Variants in LRFN3 observed in about 807,000 individuals in gnomAD.
LRFN3 encodes leucine-rich repeat and fibronectin type-III domain-containing protein 3.
LRFN3 carries 8 observed loss-of-function variants against 23.8 expected under a neutral mutation model. The ratio of observed to expected loss-of-function variants is 0.34; its 90% CI spans 0.20 to 0.61. The LOEUF (loss-of-function observed/expected upper bound fraction) is 0.61. Ranked by LOEUF, LRFN3 falls within the 20% of genes least tolerant of loss-of-function variation. The probability of loss-of-function intolerance (pLI) is 0.80; values close to 1 mark genes in which losing one functional copy is unlikely to be tolerated. For synonymous variants in LRFN3, 451 were observed against 450.6 expected, an observed-to-expected ratio of 1.00 and a Z score of -0.01; for missense variants, 736 against 935.3, an observed-to-expected ratio of 0.79 and a Z score of 2.78.
In LRFN3 at chr19:35,940,489, T is replaced by C; in HGVS notation, c.1064T>C (p.Val355Ala). 2.5e-6 allele frequency: 4 copies of C among 1,611,062 alleles called. No homozygotes were observed. Among genetic ancestry groups the C allele is most frequent in the Non-Finnish European group, 3.4e-6 (4 of 1,179,556 alleles). ...AFPNGTLELL[V>A]TEPGDGGIFT... ...CCCAATGGGACGCTGGAGCTGCTGG[T>C]CACCGAGCCGGGTGATGGTGGCATC... is the stretch of plus-strand genomic sequence containing the variant. Residue 355 changes from valine to alanine, a missense_variant, in exon 2 of 3, where the codon GTC (valine) becomes GCC (alanine). This residue lies in a region of LRFN3 where 446 missense variants were observed against 647.9 expected (regional missense o/e 0.69). Coordinates refer to ENST00000246529, the MANE Select transcript of LRFN3 (RefSeq NM_024509.2).
chr19:35,941,662 G>A lies in LRFN3; in HGVS notation c.1415+822G>A, dbSNP rs576688365. On this transcript the variant is annotated intron_variant, in intron 2 of 2. Coordinates refer to ENST00000246529, the MANE Select transcript of LRFN3 (RefSeq NM_024509.2). ...CGGCTCACTACAACCTCCACTTCCCGGGTTCAAGCGATTCTTGTGCCTCAG... is the reference window on the plus strand; with the variant it reads ...CGGCTCACTACAACCTCCACTTCCCAGGTTCAAGCGATTCTTGTGCCTCAG... Among the ~76,000 whole-genome samples the A allele has an allele frequency of 2.6e-5, 4 of 151,584 alleles. No individual in the cohort carries two copies. The South Asian group carries it at 6.2e-4, about 24-fold the overall frequency.
At chr19:35,942,556 G>C (rs907597750) in intron 2 of LRFN3, among the ~76,000 whole-genome samples, 2 of 152,232 alleles carry the variant, frequency 1.3e-5, no homozygotes, top group African/African-American at 2.4e-5. Context: ...ACCTCCCCAG[G>C]GTTGAGGACT....
At chr19:35,942,428 T>A (rs547930110) in intron 2 of LRFN3, among the ~76,000 whole-genome samples, 5 of 152,176 alleles carry the variant, frequency 3.3e-5, no homozygotes, top group Non-Finnish European at 5.9e-5. Flanking sequence ...CTAGGTGCTG[T>A]TGACACCTCT....
rs938777457 is a variant in LRFN3 at position 35,945,174 on chromosome 19, T to C, written c.*155T>C. 2.0e-6 allele frequency: 1 copy of C among 490,870 alleles called. No individual in the cohort carries two copies. The highest frequency in any genetic ancestry group is 3.5e-6 in the Non-Finnish European group (1 of 287,868). The allele number at this position is 490,870 out of a possible 1,614,324, so 30.4% of individuals were successfully genotyped here. ...ACACCGGGGCAAAACAAGAAAGTCC[T>C]ATTTTTCCAAGCTTGGGCGAAGACC... is the stretch of plus-strand genomic sequence containing the variant. On this transcript the variant is annotated 3_prime_UTR_variant, in exon 3 of 3. Coordinates refer to ENST00000246529, the MANE Select transcript of LRFN3 (RefSeq NM_024509.2).
At chr19:35,943,030 A>G (rs76361164) in intron 2 of LRFN3, among the ~76,000 whole-genome samples, 1 of 142,988 alleles carries the variant, frequency 7.0e-6, no homozygotes, top group Non-Finnish European at 1.5e-5. Context: ...CTCCGTCTCA[A>G]AAAAAAAAAA....
Position 35,940,449 on chromosome 19 carries a change from C to T in LRFN3, c.1024C>T (p.Arg342Cys), listed in dbSNP as rs1335914954. The part of the protein sequence containing the change: ...PQGRLLGNSS[R>C]ARAFPNGTLE... ...GGGCCGGCTGCTAGGCAACTCAAGC[C>T]GTGCCCGCGCCTTCCCCAATGGGAC... The change falls in exon 2 of 3, where the codon CGT becomes TGT. Residue 342 changes from arginine (R) to cysteine (C), a missense_variant. Arg to Cys is a radical substitution (Grantham distance 180). Coordinates refer to ENST00000246529, the MANE Select transcript of LRFN3 (RefSeq NM_024509.2). 3.1e-6 allele frequency: 5 copies of T among 1,605,076 alleles called. No individual in the cohort carries two copies. Among genetic ancestry groups the T allele is most frequent in the South Asian group, 1.1e-5 (1 of 90,512 alleles).
chr19:35,940,641 G>A lies in LRFN3; in HGVS notation c.1216G>A (p.Asp406Asn). The change falls in exon 2 of 3, where the codon GAT becomes AAT. Residue 406 changes from aspartate (D) to asparagine (N), a missense_variant. Around this residue, in one of 2 missense-constraint regions of LRFN3, gnomAD observed 446 missense variants for 647.9 expected, o/e 0.69. Coordinates refer to ENST00000246529, the MANE Select transcript of LRFN3 (RefSeq NM_024509.2). ...SCDPPRDGDP[D>N]ALTPPSAASA... is the part of the protein sequence containing the mutation. The stretch of plus-strand genomic sequence containing the variant: ...TGACCCCCCGCGGGACGGGGATCCT[G>A]ATGCTCTCACCCCACCCTCCGCTGC... The A allele has an allele frequency of 6.2e-7, 1 of 1,611,284 alleles. No homozygotes were observed. The highest frequency in any genetic ancestry group is 8.5e-7 in the Non-Finnish European group (1 of 1,178,234).
At position 35,940,218 on chromosome 19, in the gene LRFN3, C is replaced by T. The variant is rs1343910693; in HGVS notation, c.793C>T (p.Arg265Trp). 6 of 1,608,336 alleles carry T rather than the reference C, an allele frequency of 3.7e-6. No homozygotes were observed. Among genetic ancestry groups the T allele is most frequent in the South Asian group, 3.3e-5 (3 of 91,030 alleles). Residue 265 changes from arginine (R) to tryptophan (W), a missense_variant, in exon 2 of 3, where the codon CGG (arginine) becomes TGG (tryptophan). This residue lies in a region of LRFN3 where 446 missense variants were observed against 647.9 expected (regional missense o/e 0.69). Transcript: ENST00000246529. ...GCTGGTGTGGCTGCGTCGCCTGGCG[C>T]GGGAGGACGACCTCGAGGCCTGCGC... is the stretch of plus-strand genomic sequence containing the variant. ...CELVWLRRLA[R>W]EDDLEACASP...
At position 35,944,405 on chromosome 19, in the gene LRFN3, G is replaced by A; in HGVS notation, c.1416-143G>A. 1.9e-6 allele frequency: 1 copy of A among 528,512 alleles called. No individual in the cohort carries two copies. Among genetic ancestry groups the A allele is most frequent in the Non-Finnish European group, 3.1e-6 (1 of 319,624 alleles). The allele number at this position is 528,512 out of a possible 1,614,324, so 32.7% of individuals were successfully genotyped here. On this transcript the variant is annotated intron_variant, in intron 2 of 2. Transcript: ENST00000246529. The surrounding 1 kb of genome is among the most constrained non-coding windows in gnomAD (Gnocchi z 4.5). The stretch of plus-strand genomic sequence containing the variant: ...ATGTCAGACCAAAGGGAATTGGGAT[G>A]TTGGTGAGAGGGAGCTCATTGGGTA...
In LRFN3 at chr19:35,945,033, C is replaced by G. The variant is rs552870079; in HGVS notation, c.*14C>G. On this transcript the variant is annotated 3_prime_UTR_variant, in exon 3 of 3. Coordinates refer to ENST00000246529, the MANE Select transcript of LRFN3 (RefSeq NM_024509.2). ...GTGGGACCCTAGCCAGGCGCCCCCC[C>G]CTCTAAGGGTCCTCTGGCCCCACGG... 2.8e-4 allele frequency: 373 copies of G among 1,341,724 alleles called. 2 individuals are homozygous for G. The highest frequency in any genetic ancestry group is 7.2e-4 in the South Asian group (42 of 57,976). 83.1% of individuals were successfully genotyped at this position (1,341,724 alleles called of 1,614,324 possible). A position where few individuals can be genotyped will look rare whatever the true frequency, so the allele number is the denominator to read the frequency against.
At position 35,937,398 on chromosome 19, in the gene LRFN3, G is replaced by A. The variant is rs1378285107; in HGVS notation, c.-174G>A. On this transcript the variant is annotated 5_prime_UTR_variant, in exon 1 of 3. Coordinates refer to ENST00000246529, the MANE Select transcript of LRFN3 (RefSeq NM_024509.2). ...TCTGGAACCCCGAGTATTAAGGTCT[G>A]GAGACTCCGTTGCCACAGATTTGAG... 1 of 152,534 alleles carries A rather than the reference G, an allele frequency of 6.6e-6. No homozygotes were observed. The highest frequency in any genetic ancestry group is 2.4e-5 in the African/African-American group (1 of 41,416). The allele number at this position is 152,534 out of a possible 1,614,324, so 9.4% of individuals were successfully genotyped here. A position where few individuals can be genotyped will look rare whatever the true frequency, so the allele number is the denominator to read the frequency against.
chr19:35,944,817 A>G lies in LRFN3; in HGVS notation c.1685A>G (p.Tyr562Cys), dbSNP rs750976178. The G allele has an allele frequency of 6.2e-6, 10 of 1,609,478 alleles. No homozygotes were observed. In the East Asian group the frequency reaches 2.0e-4, roughly 32 times the overall value. Residue 562 changes from tyrosine to cysteine, a missense_variant, in exon 3 of 3, where the codon TAC becomes TGC. This residue lies in a region of LRFN3 where 290 missense variants were observed against 287.4 expected (regional missense o/e 1.01). Coordinates refer to ENST00000246529, the MANE Select transcript of LRFN3 (RefSeq NM_024509.2). This position sits in a 1 kb window ranked among gnomAD's most constrained non-coding sequence, Gnocchi z 4.5. ...TTCATCTTCGTGCTGCTAATGCGCTACAAGGTGCACGGCGGCCAGCCCCCC... is the reference window on the plus strand; with the variant it reads ...TTCATCTTCGTGCTGCTAATGCGCTGCAAGGTGCACGGCGGCCAGCCCCCC... ...LVFIFVLLMR[Y>C]KVHGGQPPGK...
chr19:35,944,688 C>T lies in LRFN3; in HGVS notation c.1556C>T (p.Ser519Phe), dbSNP rs267605442. The T allele has an allele frequency of 6.9e-6, 11 of 1,603,452 alleles. No homozygotes were observed. The highest frequency in any genetic ancestry group is 9.3e-6 in the Non-Finnish European group (11 of 1,176,746). The change falls in exon 3 of 3, where the codon TCC (serine) becomes TTC (phenylalanine). Residue 519 changes from serine to phenylalanine, a missense_variant. Ser to Phe is a radical substitution (Grantham distance 155, BLOSUM62 -2). This residue lies in a region of LRFN3 where 290 missense variants were observed against 287.4 expected (regional missense o/e 1.01). Transcript: ENST00000246529. The surrounding 1 kb of genome is among the most constrained non-coding windows in gnomAD (Gnocchi z 4.5). Reference sequence around the variant, plus strand: ...CGGCCTGTGGGCTGCGCCCGCTTCTCCACCGAACCTGCGCTGCGGCCATGC... The same window carrying T: ...CGGCCTGTGGGCTGCGCCCGCTTCTTCACCGAACCTGCGCTGCGGCCATGC... ...ATRPVGCARF[S>F]TEPALRPCGA...
At position 35,939,524 on chromosome 19, in the gene LRFN3, C is replaced by T. The variant is rs140156601; in HGVS notation, c.99C>T (p.Arg33=). 26 of 1,607,886 alleles carry T rather than the reference C, an allele frequency of 1.6e-5. No individual in the cohort carries two copies. The highest frequency in any genetic ancestry group is 3.3e-5 in the Admixed American group (2 of 59,986). The part of the protein sequence containing the change: ...ATPSPCPRRC[R]CQTQSLPLSV... ...CCAGCCCATGTCCCCGCCGCTGCCG[C>T]TGCCAGACACAGTCGCTGCCCCTAA... is the stretch of plus-strand genomic sequence containing the variant. The change falls in exon 2 of 3, where the codon CGC becomes CGT. Residue 33 remains arginine, a synonymous_variant. Coordinates refer to ENST00000246529, the MANE Select transcript of LRFN3 (RefSeq NM_024509.2). The surrounding 1 kb of genome is among the most constrained non-coding windows in gnomAD (Gnocchi z 6.4).
rs781730912 is a variant in LRFN3, at chr19:35,946,415, CCGTCT to C, written c.*1398_*1402del. Among the ~76,000 whole-genome samples the C allele has an allele frequency of 1.1e-3, 160 of 151,896 alleles. No individual in the cohort carries two copies. Among genetic ancestry groups the C allele is most frequent in the Middle Eastern group, 0.01 (3 of 292 alleles). ...CCCAAACTGGCCTCAAGTGATCCTC[CCGTCT>C]CAGCCTCCTGAATTGCTGGGATTAC... On this transcript the variant is annotated 3_prime_UTR_variant, in exon 3 of 3. Transcript: ENST00000246529.
At position 35,939,809 on chromosome 19, in the gene LRFN3, C is replaced by T. The variant is rs774689309; in HGVS notation, c.384C>T (p.Arg128=). The T allele has an allele frequency of 5.6e-6, 9 of 1,603,224 alleles. No homozygotes were observed. Among genetic ancestry groups the T allele is most frequent in the Admixed American group, 3.3e-5 (2 of 60,006 alleles). ...CCTCACTGGGCGAGGGCCAGCTGCGCGGCCTGGTCAACTTGCGCCACCTCA... is the reference window on the plus strand; with the variant it reads ...CCTCACTGGGCGAGGGCCAGCTGCGTGGCCTGGTCAACTTGCGCCACCTCA... ...RLTSLGEGQL[R]GLVNLRHLIL... Residue 128 remains arginine, a synonymous_variant, in exon 2 of 3, where the codon CGC becomes CGT. Transcript: ENST00000246529. The surrounding 1 kb of genome is among the most constrained non-coding windows in gnomAD (Gnocchi z 6.4).
intron 2 of LRFN3, among the ~76,000 whole-genome samples, chr19:35,942,589 C>T (rs1291662634): frequency 6.6e-6 from 1 of 152,170 alleles, no homozygotes; most frequent in Non-Finnish European, 1.5e-5. Context: ...CCTAGTAGTA[C>T]CTGGATGTCC....
chr19:35,938,990 G>A (rs1304746040), intron 1 of LRFN3, among the ~76,000 whole-genome samples: 4 of 152,084 alleles, frequency 2.6e-5, no homozygotes, highest in Admixed American at 6.5e-5. Context: ...ACAGAGTCAC[G>A]CTCTGTTGCC....
rs1043513999 is a variant in LRFN3 at position 35,945,949 on chromosome 19, G to A, written c.*930G>A. Among the ~76,000 whole-genome samples, 3 of 152,082 alleles carry A rather than the reference G, an allele frequency of 2.0e-5. No homozygotes were observed. Among genetic ancestry groups the A allele is most frequent in the Non-Finnish European group, 2.9e-5 (2 of 68,012 alleles). Reference sequence around the variant, plus strand: ...GGCAGGGACCTGGGTGGGTGAGGACGAAGTTGGACCAGCTGGGCTAGGGAA... The same window carrying A: ...GGCAGGGACCTGGGTGGGTGAGGACAAAGTTGGACCAGCTGGGCTAGGGAA... On this transcript the variant is annotated 3_prime_UTR_variant, in exon 3 of 3. Transcript: ENST00000246529.
Sources: gnomAD v4.1 joint callset for allele counts (sites outside exome capture counted in the v4.1 genomes callset) on GRCh38, gnomAD v4.1.1 for gene constraint, gnomAD v4.1.1 regional missense constraint, Gnocchi (gnomAD v3.1) non-coding constraint, MANE v1.5 for transcripts, NCBI Gene and HGNC (gene_info 2026-07-23, HGNC 2026-07-21) for gene names.